The following STK3 variants were observed in gnomAD, a reference collection of about 807,000 sequenced individuals.
STK3 encodes the protein serine/threonine kinase 3, also known as serine/threonine-protein kinase 3.
Under a neutral mutation model 58.0 loss-of-function variants are expected in STK3, and 41 were observed. The observed-to-expected ratio is 0.71, with a 90% CI of 0.55 to 0.92. The LOEUF (loss-of-function observed/expected upper bound fraction) is 0.92. Among genes scored for constraint, STK3 ranks in the 40% least tolerant of loss-of-function variants. The pLI is 0.00. For synonymous variants in STK3, 170 were observed against 191.0 expected (o/e 0.89, Z 0.91); for missense variants, 479 against 602.7 (o/e 0.79, Z 2.15).
intron 10 of STK3, among the ~76,000 whole-genome samples, chr8:98,479,419 G>A (rs930037484): frequency 2.0e-5 from 3 of 148,560 alleles, no homozygotes; most frequent in Non-Finnish European, 4.4e-5. Context: ...TCCGGGAGGT[G>A]GAGGTTGCCG....
chr8:98,517,783 T>C (rs547672598), intron 10 of STK3, among the ~76,000 whole-genome samples: 7 of 152,174 alleles, frequency 4.6e-5, no homozygotes, highest in Middle Eastern at 3.4e-3. Context: ...CAGTCTTAAA[T>C]TAGAAGATCA....
At chr8:98,482,956 A>G (rs572277095) in intron 10 of STK3, among the ~76,000 whole-genome samples, 2 of 152,310 alleles carry the variant, frequency 1.3e-5, no homozygotes, top group South Asian at 4.1e-4. Context: ...ATGAAAGCAT[A>G]CGGATTTTAT....
intron 1 of STK3, chr8:98,889,958 A>G (rs953468782): frequency 6.6e-6 from 1 of 152,260 alleles, no homozygotes; most frequent in Non-Finnish European, 1.5e-5. Context: ...AACTAGCAGT[A>G]TCTTTAAGGA....
intron 4 of STK3, among the ~76,000 whole-genome samples, chr8:98,712,874 A>G (rs1192794802): frequency 6.6e-6 from 1 of 151,672 alleles, no homozygotes; most frequent in Non-Finnish European, 1.5e-5. Context: ...AATTGACCAC[A>G]TAGTTGGAAG....
chr8:98,585,821 A>C (rs923177198), intron 7 of STK3, among the ~76,000 whole-genome samples: 1 of 151,780 alleles, frequency 6.6e-6, no homozygotes, highest in Non-Finnish European at 1.5e-5. Flanking sequence ...CATCCCTTGT[A>C]AGTTGGATTC....
chr8:98,624,044 CTT>C (rs1818530875), intron 6 of STK3, among the ~76,000 whole-genome samples: 2 of 152,304 alleles, frequency 1.3e-5, no homozygotes, highest in Non-Finnish European at 2.9e-5. Context: ...TCCAGTTTTT[CTT>C]TGGACCAGAA....
At chr8:98,712,751 C>G (rs1159581681) in intron 4 of STK3, among the ~76,000 whole-genome samples, 2 of 152,116 alleles carry the variant, frequency 1.3e-5, no homozygotes, top group Non-Finnish European at 2.9e-5. Flanking sequence ...CAAGGATATC[C>G]AGGAATTGAA....
intron 1 of STK3, among the ~76,000 whole-genome samples, chr8:98,439,912 T>C (rs1245709027): frequency 6.6e-6 from 1 of 152,124 alleles, no homozygotes; most frequent in Non-Finnish European, 1.5e-5. Flanking sequence ...GCAGTGTGCA[T>C]TTGTCATCTG....
At chr8:98,820,697 C>T (rs145953380) in intron 1 of STK3, among the ~76,000 whole-genome samples, 189 of 152,200 alleles carry the variant, frequency 1.2e-3, no homozygotes, top group African/African-American at 4.1e-3. Flanking sequence ...CCAATAAATT[C>T]GGCTGCGCGG....
intron 1 of STK3, among the ~76,000 whole-genome samples, chr8:98,928,979 A>G (rs1460205563): frequency 6.6e-6 from 1 of 152,268 alleles, no homozygotes; most frequent in Non-Finnish European, 1.5e-5. Context: ...AAAGCTTGAC[A>G]AACAGGCCGG....
intron 1 of STK3, among the ~76,000 whole-genome samples, chr8:98,911,347 A>G (rs988235124): frequency 2.6e-5 from 4 of 152,166 alleles, no homozygotes; most frequent in African/African-American, 9.7e-5. Context: ...TTACTAATGC[A>G]GCCACAAGGA....
intron 10 of STK3, among the ~76,000 whole-genome samples, chr8:98,494,200 C>T (rs1822936729): frequency 6.6e-6 from 1 of 152,134 alleles, no homozygotes; most frequent in African/African-American, 2.4e-5. Flanking sequence ...TACCACTTTC[C>T]AACTCAATTT....
intron 1 of STK3, among the ~76,000 whole-genome samples, chr8:98,783,041 G>A (rs1832210333): frequency 6.6e-6 from 1 of 150,988 alleles, no homozygotes; most frequent in Non-Finnish European, 1.5e-5. Flanking sequence ...GAGAGAGAGA[G>A]AGAGAACCAA....
At chr8:98,633,310 T>C (rs1359534126) in intron 6 of STK3, among the ~76,000 whole-genome samples, 1 of 152,240 alleles carries the variant, frequency 6.6e-6, no homozygotes, top group Non-Finnish European at 1.5e-5. Flanking sequence ...CCCAAGGTCT[T>C]ACATGACACC....
chr8:98,468,892 C>T (rs368542527), intron 10 of STK3, among the ~76,000 whole-genome samples: 11 of 152,074 alleles, frequency 7.2e-5, no homozygotes, highest in African/African-American at 1.9e-4. Context: ...AGGCGGATCA[C>T]GAGGTCAAGA....
rs868055685 is a variant in STK3 at position 98,910,009 on chromosome 8, T to C, written c.-78-26175A>G. ...TTCTCCACATCCTCACCAATATTCA[T>C]GGTTATCTGACTTTTTGTTTCCAGC... On this transcript the variant is annotated intron_variant, in intron 1 of 1. Coordinates refer to the STK3 transcript ENST00000519420. 3.9e-5 allele frequency among the ~76,000 whole-genome samples: 6 copies of C among 152,356 alleles called. 1 individual carries two copies. Among genetic ancestry groups the C allele is most frequent in the Non-Finnish European group, 4.4e-5 (3 of 68,016 alleles).
chr8:98,560,444 A>T lies in STK3; in HGVS notation c.949-12283T>A, dbSNP rs1586862036. ...CAATAAATGACTGAAATTTGAAATT[A>T]AAAAAAATTTCAACAGAAAAAAAAC... On this transcript the variant is annotated intron_variant, in intron 8 of 10. Coordinates refer to ENST00000419617, the MANE Select transcript of STK3 (RefSeq NM_006281.4). Among the ~76,000 whole-genome samples, 8 of 149,900 alleles carry T rather than the reference A, an allele frequency of 5.3e-5. No homozygotes were observed. The South Asian group carries it at 1.7e-3, about 31-fold the overall frequency.
chr8:98,506,860 G>A (rs2131386691), intron 10 of STK3, among the ~76,000 whole-genome samples: 1 of 152,330 alleles, frequency 6.6e-6, no homozygotes, highest in East Asian at 1.9e-4. Flanking sequence ...ATAACACTTA[G>A]TTCAAATTTC....
At chr8:98,678,505 GCCTTAAACA>G (rs1042241460) in intron 6 of STK3, among the ~76,000 whole-genome samples, 1 of 151,762 alleles carries the variant, frequency 6.6e-6, no homozygotes, top group African/African-American at 2.4e-5. Flanking sequence ...GCTTCCTTTC[GCCTTAAACA>G]AAGAAACCAT....
Sources: gnomAD v4.1 joint callset for allele counts (sites outside exome capture counted in the v4.1 genomes callset) on GRCh38, gnomAD v4.1.1 for gene constraint, MANE v1.5 for transcripts, NCBI Gene and HGNC (gene_info 2026-07-23, HGNC 2026-07-21) for gene names.